The following DCC variants were observed in gnomAD, a reference collection of about 807,000 sequenced individuals.
DCC encodes the protein netrin receptor DCC.
A neutral mutation model predicts 172.5 loss-of-function variants in DCC; 58 were observed. The observed-to-expected ratio is 0.34, with a 90% confidence interval of 0.27 to 0.42. DCC has a LOEUF of 0.42. Among genes scored for constraint, DCC ranks in the 10% least tolerant of loss-of-function variants. The pLI, the probability that DCC is intolerant of heterozygous loss-of-function variation, is 1.00. For missense variants in DCC, 1,740 were observed against 1,791.0 expected, an observed-to-expected ratio of 0.97 and a Z score of 0.51; for synonymous variants, 709 against 644.5, an observed-to-expected ratio of 1.10 and a Z score of -1.52.
intron 13 of DCC, among the ~76,000 whole-genome samples, chr18:53,311,208 GC>G (rs1467002324): frequency 1.3e-5 from 2 of 151,704 alleles, no homozygotes; most frequent in African/African-American, 4.8e-5. Context: ...TGCAACCTCT[GC>G]CTCCCGGGTT....
At chr18:52,860,956 G>T (rs1242587984) in intron 2 of DCC, among the ~76,000 whole-genome samples, 1 of 149,116 alleles carries the variant, frequency 6.7e-6, no homozygotes, top group Non-Finnish European at 1.5e-5. Context: ...CAGTGAGCTG[G>T]GATCTCACCA....
intron 2 of DCC, among the ~76,000 whole-genome samples, chr18:52,853,988 A>C (rs1030779427): frequency 6.6e-6 from 1 of 152,130 alleles, no homozygotes; most frequent in East Asian, 1.9e-4. Flanking sequence ...ATCATTAGCC[A>C]CTCAGTTTTT....
intron 1 of DCC, among the ~76,000 whole-genome samples, chr18:52,658,451 C>T (rs1369380100): frequency 2.0e-5 from 3 of 151,978 alleles, no homozygotes; most frequent in African/African-American, 7.3e-5. Context: ...ACATTATGGG[C>T]CCCATTTACC....
intron 12 of DCC, among the ~76,000 whole-genome samples, chr18:53,230,412 A>G (rs1249438643): frequency 2.0e-5 from 3 of 152,094 alleles, no homozygotes; most frequent in African/African-American, 4.8e-5. Context: ...TGTTTGTTAG[A>G]AAACAAAGTT....
At chr18:52,743,788 C>T (rs2036863364) in intron 1 of DCC, among the ~76,000 whole-genome samples, 1 of 152,214 alleles carries the variant, frequency 6.6e-6, no homozygotes, top group South Asian at 2.1e-4. Context: ...GTGAACTCCA[C>T]ATCTTACCTT....
At chr18:53,237,528 G>T (rs1598934832) in intron 12 of DCC, among the ~76,000 whole-genome samples, 1 of 152,064 alleles carries the variant, frequency 6.6e-6, no homozygotes, top group East Asian at 1.9e-4. Context: ...CTCATGCAGG[G>T]TGCCTGCTTT....
rs201019902 is a variant in DCC, at chr18:53,332,262, C to CA, written c.2165-7444dup. On this transcript the variant is annotated intron_variant, in intron 14 of 28. Transcript: ENST00000442544. The stretch of plus-strand genomic sequence containing the variant: ...CTTCTACATTCTTTTTCTATCTAGG[C>CA]AAAAAAAGTAGCTAAAAATAAAGTA... 8.0e-3 allele frequency among the ~76,000 whole-genome samples: 1,210 copies of CA among 151,302 alleles called. 17 individuals are homozygous for CA. The highest frequency in any genetic ancestry group is 0.027 in the African/African-American group (1,131 of 41,206).
At chr18:53,381,052 G>C (rs1907688157) in intron 15 of DCC, among the ~76,000 whole-genome samples, 2 of 152,056 alleles carry the variant, frequency 1.3e-5, no homozygotes, top group Admixed American at 1.3e-4. Flanking sequence ...GATGACTCGA[G>C]ATTTGGTAGG....
At chr18:53,223,822 G>A (rs2055979835) in intron 12 of DCC, among the ~76,000 whole-genome samples, 1 of 152,052 alleles carries the variant, frequency 6.6e-6, no homozygotes, top group Non-Finnish European at 1.5e-5. Flanking sequence ...ATTAACACGA[G>A]CTATTTTAGT....
At chr18:53,016,335 A>G (rs372821404) in intron 5 of DCC, among the ~76,000 whole-genome samples, 98 of 152,206 alleles carry the variant, frequency 6.4e-4, no homozygotes, top group Middle Eastern at 6.8e-3. Context: ...GGCATGTCCT[A>G]TTTTGCTCTC....
At chr18:53,112,095 A>T (rs1262115509) in intron 7 of DCC, among the ~76,000 whole-genome samples, 1 of 151,526 alleles carries the variant, frequency 6.6e-6, no homozygotes, top group East Asian at 2.0e-4. Context: ...GGGGTAAAAA[A>T]AAACAAATCA....
intron 1 of DCC, among the ~76,000 whole-genome samples, chr18:52,342,358 G>GCTCC (rs1464202839): frequency 1.3e-5 from 2 of 150,390 alleles, no homozygotes; most frequent in African/African-American, 2.4e-5. Flanking sequence ...AGCCGCTGGT[G>GCTCC]CTCCCTCCCT....
At chr18:53,272,503 A>C (rs746748549) in intron 12 of DCC, among the ~76,000 whole-genome samples, 1 of 152,120 alleles carries the variant, frequency 6.6e-6, no homozygotes, top group African/African-American at 2.4e-5. Context: ...TCTGCTAGCT[A>C]TCATTACAAA....
chr18:52,490,898 C>T (rs1195720120), intron 1 of DCC, among the ~76,000 whole-genome samples: 1 of 152,066 alleles, frequency 6.6e-6, no homozygotes, highest in African/African-American at 2.4e-5. Context: ...AGGAGTTGTG[C>T]TTTTCAGACA....
chr18:53,320,120 T>G (rs970731193), intron 13 of DCC, among the ~76,000 whole-genome samples: 1 of 145,198 alleles, frequency 6.9e-6, no homozygotes, highest in Non-Finnish European at 1.5e-5. Flanking sequence ...TCACCCAGGC[T>G]GGAGTGCAGT....
chr18:53,307,719 A>G (rs1339207475), intron 13 of DCC, among the ~76,000 whole-genome samples: 3 of 151,434 alleles, frequency 2.0e-5, no homozygotes, highest in East Asian at 3.9e-4. Context: ...TCATTAGCAA[A>G]TAGAGAAATG....
intron 1 of DCC, among the ~76,000 whole-genome samples, chr18:52,712,235 A>C (rs2036305163): frequency 6.6e-6 from 1 of 152,178 alleles, no homozygotes; most frequent in Non-Finnish European, 1.5e-5. Flanking sequence ...CTAGGATTAC[A>C]GGTGTGAGGC....
intron 1 of DCC, chr18:52,409,388 T>G (rs1239486938): frequency 1.3e-5 from 2 of 152,138 alleles, no homozygotes; most frequent in East Asian, 3.9e-4. Context: ...ATTGGTAGAG[T>G]GTCATATTGA....
Position 52,619,624 on chromosome 18 carries a change from T to C in DCC, c.92-132430T>C, listed in dbSNP as rs546040898. On this transcript the variant is annotated intron_variant, in intron 1 of 28. Coordinates refer to ENST00000442544, the MANE Select transcript of DCC (RefSeq NM_005215.4). ...TACTTATATTTTACCAATATTAGGCTATAAAATCAGACATTGTCAAAGACC... is the reference window on the plus strand; with the variant it reads ...TACTTATATTTTACCAATATTAGGCCATAAAATCAGACATTGTCAAAGACC... Among the ~76,000 whole-genome samples, 288 of 152,348 alleles carry C rather than the reference T, an allele frequency of 1.9e-3. 5 individuals are homozygous for C. Among genetic ancestry groups the C allele is most frequent in the African/African-American group, 6.8e-3 (283 of 41,568 alleles).
Sources: gnomAD v4.1 joint callset for allele counts (sites outside exome capture counted in the v4.1 genomes callset) on GRCh38, gnomAD v4.1.1 for gene constraint, MANE v1.5 for transcripts, NCBI Gene and HGNC (gene_info 2026-07-23, HGNC 2026-07-21) for gene names.